Variants in RCC1L observed in about 807,000 individuals in gnomAD.
RCC1L encodes the protein RCC1-like G exchanging factor-like protein.
RCC1L carries 46 observed loss-of-function variants against 58.6 expected under a neutral mutation model. That is an observed-to-expected ratio of 0.79 (90% CI 0.62 to 1.00). The LOEUF is 1.00. RCC1L is among the 50% of genes least tolerant of loss of function. RCC1L has a pLI of 0.00. For synonymous variants in RCC1L, 281 were observed against 262.9 expected (o/e 1.07, Z -0.67); for missense variants, 636 against 623.6 (o/e 1.02, Z -0.21).
At chr7:75,051,970 A>G (rs963325231) in intron 10 of RCC1L, among the ~76,000 whole-genome samples, 1 of 152,114 alleles carries the variant, frequency 6.6e-6, no homozygotes, top group Non-Finnish European at 1.5e-5. Flanking sequence ...TTGTACCATG[A>G]ACATATGTTT....
chr7:75,063,261 C>A, intron 5 of RCC1L, 31 bp downstream of exon 5: 1 of 1,613,788 alleles, frequency 6.2e-7, no homozygotes, highest in Non-Finnish European at 8.5e-7. Flanking sequence ...CCCAGGAACA[C>A]AACAAGCAGC....
intron 4 of RCC1L, among the ~76,000 whole-genome samples, chr7:75,063,590 C>T: frequency 6.6e-6 from 1 of 152,094 alleles, no homozygotes; most frequent in Non-Finnish European, 1.5e-5. Context: ...CAACAACATA[C>T]AAGGAACTAG....
chr7:75,067,616 G>C (rs1052467445), intron 2 of RCC1L, among the ~76,000 whole-genome samples: 3 of 151,516 alleles, frequency 2.0e-5, no homozygotes, highest in Non-Finnish European at 4.4e-5. Context: ...CTGGGAGACA[G>C]AGCGAGACAC....
chr7:75,070,838 GTTAT>G (rs1409300532), intron 1 of RCC1L, 69 bp from the exon 2 acceptor site: 10 of 1,581,880 alleles, frequency 6.3e-6, no homozygotes, highest in East Asian at 2.3e-5. Flanking sequence ...TAAATGACAG[GTTAT>G]TTATCAAATC....
chr7:75,040,631 T>G (rs911050711), downstream of RCC1L, among the ~76,000 whole-genome samples: 6 of 151,982 alleles, frequency 3.9e-5, no homozygotes, highest in Non-Finnish European at 7.4e-5. Flanking sequence ...ACTTACCATC[T>G]CTAGATCAAT....
intron 10 of RCC1L, among the ~76,000 whole-genome samples, chr7:75,050,034 C>T (rs587724773): frequency 5.9e-5 from 9 of 152,292 alleles, no homozygotes; most frequent in Admixed American, 5.9e-4. Flanking sequence ...CCTGAATGTG[C>T]AAGAGGAAGG....
At chr7:75,035,881 T>A (rs1330890673) in intron 10 of RCC1L, among the ~76,000 whole-genome samples, 1 of 151,948 alleles carries the variant, frequency 6.6e-6, no homozygotes, top group African/African-American at 2.4e-5. Flanking sequence ...CTTGCGTGCC[T>A]GTAATCCCAG....
intron 5 of RCC1L, 121 bp from the exon 6 acceptor site, chr7:75,061,412 A>G: frequency 1.3e-6 from 1 of 799,712 alleles, no homozygotes; most frequent in South Asian, 1.4e-5. Flanking sequence ...TGGTCCAGGC[A>G]GACTGCTCCA....
chr7:75,062,251 G>A (rs868948787), intron 5 of RCC1L, among the ~76,000 whole-genome samples: 189 of 32,220 alleles, frequency 5.9e-3, no homozygotes, highest in African/African-American at 0.03. Context: ...TGACATGGTG[G>A]CTTAACCCAT....
intron 10 of RCC1L, among the ~76,000 whole-genome samples, chr7:75,028,915 T>A (rs1325323034): frequency 6.6e-6 from 1 of 152,040 alleles, no homozygotes; most frequent in East Asian, 1.9e-4. Context: ...CATTCTCACC[T>A]CCTCTCACCT....
chr7:75,063,093 C>T (rs1281364064), intron 5 of RCC1L, among the ~76,000 whole-genome samples, 199 bp downstream of exon 5: 2 of 152,266 alleles, frequency 1.3e-5, no homozygotes, highest in South Asian at 2.1e-4. Context: ...CCACCACACC[C>T]GGCCCCAAAA....
chr7:75,066,824 T>C, intron 2 of RCC1L, 32 bp from the exon 3 acceptor site: 1 of 1,584,136 alleles, frequency 6.3e-7, no homozygotes, highest in East Asian at 2.3e-5. Flanking sequence ...GATTGAGGCA[T>C]GCATTTCTAC....
At chr7:75,072,085 G>A (rs1305499149) in intron 1 of RCC1L, among the ~76,000 whole-genome samples, 2 of 132,064 alleles carry the variant, frequency 1.5e-5, no homozygotes, top group African/African-American at 5.5e-5. Flanking sequence ...AACAGAGCCA[G>A]ATCAAAAAAA....
downstream of RCC1L, among the ~76,000 whole-genome samples, chr7:75,039,042 T>C (rs1169552153): frequency 1.3e-5 from 2 of 152,354 alleles, no homozygotes; most frequent in East Asian, 3.9e-4. Context: ...GGTTTTGCCA[T>C]GTTGGCCAGG....
In RCC1L at chr7:75,064,624, T is replaced by TA; in HGVS notation, c.607dup (p.Tyr203LeufsTer12). The TA allele has an allele frequency of 6.2e-7, 1 of 1,613,802 alleles. No homozygotes were observed. Among genetic ancestry groups the TA allele is most frequent in the Non-Finnish European group, 8.5e-7 (1 of 1,179,818 alleles). Reference sequence around the variant, plus strand: ...GACCACCTTTCTTCCACATTGCCCATAAGAATTGTTTCCCATGCTGAAGAC... The same window carrying TA: ...GACCACCTTTCTTCCACATTGCCCATAAAGAATTGTTTCCCATGCTGAAGAC... On this transcript the variant is annotated frameshift_variant, in exon 4 of 11. Transcript: ENST00000610322. LOFTEE classifies it high-confidence loss of function.
chr7:75,050,357 G>A (rs986018443), intron 10 of RCC1L, among the ~76,000 whole-genome samples: 86 of 152,306 alleles, frequency 5.6e-4, no homozygotes, highest in African/African-American at 1.9e-3. Context: ...GGCGAGCCAG[G>A]GCAAGTGACC....
chr7:75,072,179 T>TATATATATATATATATATATATAC (rs1468203886), intron 1 of RCC1L, among the ~76,000 whole-genome samples: 1 of 97,230 alleles, frequency 1.0e-5, no homozygotes, highest in African/African-American at 3.5e-5. Flanking sequence ...TATATATATA[T>TATATATATATATATATATATATAC]ATATATATAT....
chr7:75,064,761 C>G (rs1019533021), intron 3 of RCC1L, 113 bp from the exon 4 acceptor site: 10 of 1,183,354 alleles, frequency 8.5e-6, no homozygotes, highest in East Asian at 7.1e-5. Flanking sequence ...CCCCCACCCC[C>G]CAACTGCCCC....
intron 9 of RCC1L, 31 bp from the exon 10 acceptor site, chr7:75,052,827 G>C (rs1805956105): frequency 6.3e-7 from 1 of 1,597,022 alleles, no homozygotes; most frequent in African/African-American, 1.3e-5. Context: ...GGGTTGGTTG[G>C]GACTGTGTGA....
Sources: gnomAD v4.1 joint callset for allele counts (sites outside exome capture counted in the v4.1 genomes callset) on GRCh38, gnomAD v4.1.1 for gene constraint, MANE v1.5 for transcripts, NCBI Gene and HGNC (gene_info 2026-07-23, HGNC 2026-07-21) for gene names.